Variants in LSAMP observed in about 807,000 individuals in gnomAD.
The protein encoded by LSAMP is limbic system associated membrane protein.
Under a neutral mutation model 38.6 loss-of-function variants are expected in LSAMP, and 7 were observed. That is an observed-to-expected ratio of 0.18 (90% CI 0.10 to 0.34). LSAMP has a LOEUF of 0.34. Ranked by LOEUF, LSAMP falls within the 10% of genes least tolerant of loss-of-function variation. LSAMP has a pLI of 1.00. For missense variants in LSAMP, 313 were observed against 420.0 expected, an observed-to-expected ratio of 0.75 and a Z score of 2.23; for synonymous variants, 154 against 166.8, an observed-to-expected ratio of 0.92 and a Z score of 0.59.
intron 3 of LSAMP, among the ~76,000 whole-genome samples, chr3:115,950,725 C>A (rs1037434643): frequency 3.1e-5 from 4 of 129,004 alleles, no homozygotes; most frequent in Non-Finnish European, 6.2e-5. Flanking sequence ...TAATTACTCA[C>A]AAAACTAGGA....
At chr3:116,046,877 C>T (rs983560352) in intron 2 of LSAMP, among the ~76,000 whole-genome samples, 8 of 152,120 alleles carry the variant, frequency 5.3e-5, no homozygotes, top group Non-Finnish European at 8.8e-5. Context: ...TCATTCATTC[C>T]TGTATTTTAG....
At chr3:115,975,088 A>G (rs1410611204) in intron 3 of LSAMP, among the ~76,000 whole-genome samples, 1 of 152,136 alleles carries the variant, frequency 6.6e-6, no homozygotes, top group Non-Finnish European at 1.5e-5. Flanking sequence ...CTGGAAGATT[A>G]TGGATCCTAT....
At chr3:116,230,219 G>A (rs1234019210) in intron 1 of LSAMP, among the ~76,000 whole-genome samples, 1 of 151,962 alleles carries the variant, frequency 6.6e-6, no homozygotes, top group Admixed American at 6.6e-5. Context: ...CACACTTGTG[G>A]GTAGAATACT....
rs1707991831 is a variant in LSAMP at position 116,086,468 on chromosome 3, G to A, written c.244C>T (p.Pro82Ser). The stretch of plus-strand genomic sequence containing the variant: ...TGGCGTTTCTCCAGCTCAACCCGTG[G>A]GTCCAGAGACCACTTGTCATGTCCA... ...FAGHDKWSLD[P>S]RVELEKRHSL... is the part of the protein sequence containing the mutation. Residue 82 changes from proline (P) to serine (S), a missense_variant, in exon 2 of 7, where the codon CCA becomes TCA. Pro to Ser is a moderately conservative substitution (Grantham distance 74, BLOSUM62 -1). Coordinates refer to ENST00000490035, the MANE Select transcript of LSAMP (RefSeq NM_002338.5). The A allele has an allele frequency of 3.1e-6, 5 of 1,613,952 alleles. No homozygotes were observed. Among genetic ancestry groups the A allele is most frequent in the Non-Finnish European group, 4.2e-6 (5 of 1,180,004 alleles).
At chr3:115,941,295 G>T (rs888593419) in intron 3 of LSAMP, among the ~76,000 whole-genome samples, 2 of 152,080 alleles carry the variant, frequency 1.3e-5, no homozygotes, top group African/African-American at 4.8e-5. Context: ...GTGGAAAAGG[G>T]TTTGGAAAAA....
intron 1 of LSAMP, among the ~76,000 whole-genome samples, chr3:116,280,234 A>G (rs952408448): frequency 6.6e-6 from 1 of 152,206 alleles, no homozygotes; most frequent in Admixed American, 6.5e-5. Context: ...AGTTCCCACC[A>G]TGATAACTGA....
At chr3:116,141,529 T>A (rs1328242582) in intron 1 of LSAMP, among the ~76,000 whole-genome samples, 1 of 151,892 alleles carries the variant, frequency 6.6e-6, no homozygotes, top group Non-Finnish European at 1.5e-5. Context: ...AATCCCAAGT[T>A]AAATTACAGA....
chr3:116,002,152 T>A (rs1940013924), intron 3 of LSAMP, among the ~76,000 whole-genome samples: 1 of 152,124 alleles, frequency 6.6e-6, no homozygotes, highest in Admixed American at 6.6e-5. Flanking sequence ...TGCTAATATT[T>A]GTCAGATTCT....
At chr3:116,220,374 C>CAT (rs1241478336) in intron 1 of LSAMP, among the ~76,000 whole-genome samples, 46 of 151,294 alleles carry the variant, frequency 3.0e-4, no homozygotes, top group African/African-American at 1.1e-3. Context: ...CACACACACA[C>CAT]ACACACACAC....
chr3:116,055,658 G>T (rs1387069336), intron 2 of LSAMP, among the ~76,000 whole-genome samples: 1 of 152,118 alleles, frequency 6.6e-6, no homozygotes, highest in Non-Finnish European at 1.5e-5. Context: ...ATGTTTCCTG[G>T]TCCTGGCTCA....
At chr3:116,290,731 CAAAAATAAT>C (rs2047253726) in intron 1 of LSAMP, among the ~76,000 whole-genome samples, 1 of 73,378 alleles carries the variant, frequency 1.4e-5, no homozygotes, top group Non-Finnish European at 2.9e-5. Context: ...CTCTGTCTCA[CAAAAATAAT>C]AATAATAATA....
chr3:115,966,570 CA>C (rs1244946670), intron 3 of LSAMP, among the ~76,000 whole-genome samples: 1 of 151,512 alleles, frequency 6.6e-6, no homozygotes. Context: ...CATCAGGAAA[CA>C]AAAAAAATGT....
chr3:115,977,661 C>A (rs2107621254), intron 3 of LSAMP, among the ~76,000 whole-genome samples: 1 of 151,740 alleles, frequency 6.6e-6, no homozygotes, highest in South Asian at 2.1e-4. Flanking sequence ...TAAATATCTC[C>A]TCCTTATTGT....
intron 3 of LSAMP, 148 bp from the exon 4 acceptor site, chr3:115,852,765 G>T: frequency 1.4e-6 from 1 of 713,486 alleles, no homozygotes; most frequent in Non-Finnish European, 2.2e-6. Context: ...CACAGAAGCA[G>T]ACCTCAAGAC....
At position 116,262,888 on chromosome 3, in the gene LSAMP, T is replaced by G. The variant is rs140114985; in HGVS notation, c.156-176332A>C. On this transcript the variant is annotated intron_variant, in intron 1 of 6. Coordinates refer to ENST00000490035, the MANE Select transcript of LSAMP (RefSeq NM_002338.5). ...TTGGAAAGCTCTTCTTGGTTCCTCA[T>G]GTGGCAGGTGAAGGGATTGAGGACT... is the stretch of plus-strand genomic sequence containing the variant. Among the ~76,000 whole-genome samples, 19 of 152,302 alleles carry G rather than the reference T, an allele frequency of 1.2e-4. No homozygotes were observed. In the East Asian group the frequency reaches 3.5e-3, roughly 28 times the overall value.
At chr3:116,006,938 T>G (rs1056382448) in intron 3 of LSAMP, among the ~76,000 whole-genome samples, 1 of 152,228 alleles carries the variant, frequency 6.6e-6, no homozygotes, top group Non-Finnish European at 1.5e-5. Flanking sequence ...GATCTGGATC[T>G]GTCTTCCACA....
chr3:115,952,188 C>A (rs995032893), intron 3 of LSAMP, among the ~76,000 whole-genome samples: 1 of 152,156 alleles, frequency 6.6e-6, no homozygotes, highest in African/African-American at 2.4e-5. Flanking sequence ...AGTAGAACTA[C>A]CATTTGATTC....
At chr3:116,132,223 T>G (rs2107503664) in intron 1 of LSAMP, among the ~76,000 whole-genome samples, 1 of 132,590 alleles carries the variant, frequency 7.5e-6, no homozygotes, top group Non-Finnish European at 1.6e-5. Context: ...AATAACATGT[T>G]AACTATAGAA....
At chr3:116,022,017 TCA>T (rs1161061168) in intron 2 of LSAMP, among the ~76,000 whole-genome samples, 1 of 152,114 alleles carries the variant, frequency 6.6e-6, no homozygotes, top group Non-Finnish European at 1.5e-5. Context: ...GTACTGAGTC[TCA>T]GAGACTGGAG....
Sources: gnomAD v4.1 joint callset for allele counts (sites outside exome capture counted in the v4.1 genomes callset) on GRCh38, gnomAD v4.1.1 for gene constraint, MANE v1.5 for transcripts, NCBI Gene and HGNC (gene_info 2026-07-23, HGNC 2026-07-21) for gene names.